Variants in RAB44 observed in about 807,000 individuals in gnomAD.
RAB44 encodes RAB44, member RAS oncogene family.
In RAB44, 67 loss-of-function variants were observed where a neutral mutation model predicts 93.3. The observed-to-expected ratio is 0.72, with a 90% CI of 0.59 to 0.88. RAB44 has a LOEUF of 0.88. Among genes scored for constraint, RAB44 ranks in the 40% least tolerant of loss-of-function variants. The probability of loss-of-function intolerance (pLI) is 0.00; values close to 1 mark genes in which losing one functional copy is unlikely to be tolerated. For synonymous variants in RAB44, 427 were observed against 520.3 expected, an observed-to-expected ratio of 0.82 and a Z score of 2.44; for missense variants, 1,064 against 1,261.7, an observed-to-expected ratio of 0.84 and a Z score of 2.37.
At position 36,722,112 on chromosome 6, in the gene RAB44, G is replaced by C. The variant is rs1224753936; in HGVS notation, c.1978G>C (p.Gly660Arg). The change falls in exon 9 of 14, where the codon GGT becomes CGT. Residue 660 changes from glycine (G) to arginine (R), a missense_variant. Gly to Arg is a moderately radical substitution (Grantham distance 125, BLOSUM62 -2). Coordinates refer to ENST00000612677, the MANE Select transcript of RAB44 (RefSeq NM_001257357.2). ...AGCTCATGGCCAGGTCCTTGGGCTG[G>C]GTGAGCTGTCTGCCTTCCCCCACCA... ...REAHGQVLGL[G>R]ELSAFPHQEL... 1 of 1,236,246 alleles carries C rather than the reference G, an allele frequency of 8.1e-7. No homozygotes were observed. The highest frequency in any genetic ancestry group is 1.0e-6 in the Non-Finnish European group (1 of 989,564). 76.6% of individuals were successfully genotyped at this position (1,236,246 alleles called of 1,614,324 possible).
intron 2 of RAB44, among the ~76,000 whole-genome samples, chr6:36,712,434 G>A (rs1012549996): frequency 6.6e-6 from 1 of 152,042 alleles, no homozygotes; most frequent in Non-Finnish European, 1.5e-5. Context: ...GTGCGATCTC[G>A]GCTCACTGCA....
At chr6:36,720,613 C>T (rs1407329358) in intron 8 of RAB44, 63 bp downstream of exon 8, 9 of 1,158,646 alleles carry the variant, frequency 7.8e-6, no homozygotes, top group Non-Finnish European at 9.8e-6. Context: ...CAGTGGGGAA[C>T]TCTGAGTTCT....
intron 4 of RAB44, among the ~76,000 whole-genome samples, chr6:36,716,240 C>T (rs566299636): frequency 2.9e-4 from 44 of 151,984 alleles, no homozygotes; most frequent in African/African-American, 1.0e-3. Context: ...GAGGCTGAGG[C>T]GGGTGGATCA....
Position 36,721,458 on chromosome 6 carries a change from G to A in RAB44, c.1324G>A (p.Ala442Thr), listed in dbSNP as rs796830000. 43 of 1,234,398 alleles carry A rather than the reference G, an allele frequency of 3.5e-5. No homozygotes were observed. The highest frequency in any genetic ancestry group is 3.5e-4 in the East Asian group (11 of 31,698). The allele number at this position is 1,234,398 out of a possible 1,614,324, so 76.5% of individuals were successfully genotyped here. A position where few individuals can be genotyped will look rare whatever the true frequency, so the allele number is the denominator to read the frequency against. ...PRTPPGVTFS[A>T]KDNKGVDPHE... is the part of the protein sequence containing the mutation. ...GACCCCACCTGGGGTGACTTTCAGC[G>A]CCAAGGACAATAAAGGAGTGGACCC... The change falls in exon 9 of 14, where the codon GCC becomes ACC. Residue 442 changes from alanine to threonine, a missense_variant. By Grantham distance (58) the Ala-to-Thr change is moderately conservative (BLOSUM62 0). Transcript: ENST00000612677.
In RAB44 at chr6:36,732,204, GA is replaced by G. The variant is rs56845420; in HGVS notation, c.*115del. The G allele has an allele frequency of 4.7e-6, 3 of 634,220 alleles. No individual in the cohort carries two copies. The highest frequency in any genetic ancestry group is 3.5e-5 in the East Asian group (1 of 28,820). The allele number at this position is 634,220 out of a possible 1,614,324, so 39.3% of individuals were successfully genotyped here. On this transcript the variant is annotated 3_prime_UTR_variant, in exon 14 of 14. Coordinates refer to ENST00000612677, the MANE Select transcript of RAB44 (RefSeq NM_001257357.2). ...ACAGAGGACCAGCTTGGAGGTTCAGGAAAACCCTTCTCAACTCAGGACTCGG... is the reference window on the plus strand; with the variant it reads ...ACAGAGGACCAGCTTGGAGGTTCAGGAAACCCTTCTCAACTCAGGACTCGG...
chr6:36,712,433 C>T (rs879767996), intron 2 of RAB44, among the ~76,000 whole-genome samples: 1 of 152,272 alleles, frequency 6.6e-6, no homozygotes, highest in Middle Eastern at 3.4e-3. Flanking sequence ...GGTGCGATCT[C>T]GGCTCACTGC....
chr6:36,722,747 G>T lies in RAB44; in HGVS notation c.2599+14G>T, dbSNP rs1763127923. ...CAGCTACCGTGGGTAAGGGCATTGG[G>T]GAGGGCGGCAGGGAGCAAGGAGAGA... On this transcript the variant is annotated intron_variant, in intron 9 of 13. Transcript: ENST00000612677. 3.2e-6 allele frequency: 5 copies of T among 1,550,516 alleles called. No homozygotes were observed. Among genetic ancestry groups the T allele is most frequent in the Non-Finnish European group, 4.4e-6 (5 of 1,146,964 alleles).
chr6:36,728,824 G>A (rs1366976479), intron 12 of RAB44, 23 bp downstream of exon 12: 31 of 1,522,246 alleles, frequency 2.0e-5, no homozygotes, highest in African/African-American at 5.5e-5. Flanking sequence ...GCATCAGCCC[G>A]TCTCTGTGCG....
At chr6:36,711,123 T>C (rs1762776419) in intron 2 of RAB44, among the ~76,000 whole-genome samples, 3 of 152,196 alleles carry the variant, frequency 2.0e-5, no homozygotes, top group African/African-American at 7.2e-5. Flanking sequence ...TACTTCAATA[T>C]TAATTCAAAA....
At chr6:36,698,659 G>A (rs1470258180) in intron 1 of RAB44, among the ~76,000 whole-genome samples, 1 of 152,148 alleles carries the variant, frequency 6.6e-6, no homozygotes, top group Non-Finnish European at 1.5e-5. Context: ...AGGACGTGAG[G>A]CATGAGGATG....
rs1053755779 is a variant in RAB44, at chr6:36,732,977, A to G, written c.*884A>G. On this transcript the variant is annotated 3_prime_UTR_variant, in exon 14 of 14. Transcript: ENST00000612677. ...AGCCGAGACTCAGAATCATTCACACACTTCTATTTGGAGCTTTTGTGGAAG... is the reference window on the plus strand; with the variant it reads ...AGCCGAGACTCAGAATCATTCACACGCTTCTATTTGGAGCTTTTGTGGAAG... 3.3e-5 allele frequency: 5 copies of G among 152,050 alleles called. No individual in the cohort carries two copies. The highest frequency in any genetic ancestry group is 2.1e-4 in the South Asian group (1 of 4,826). 9.4% of individuals were successfully genotyped at this position (152,050 alleles called of 1,614,324 possible).
In RAB44 at chr6:36,721,226, TG is replaced by T. The variant is rs1763068084; in HGVS notation, c.1096del (p.Asp366ThrfsTer9). The T allele has an allele frequency of 8.2e-7, 1 of 1,219,022 alleles. No homozygotes were observed. The highest frequency in any genetic ancestry group is 4.4e-5 in the Admixed American group (1 of 22,622). 75.5% of individuals were successfully genotyped at this position (1,219,022 alleles called of 1,614,324 possible). ...AGGAGGCCCCCCTGCCTGGGCTATT[TG>T]GGGACAACGATGACTGGGACCAGCT... ...PEEAPLPGLF[G>X]DNDDWDQLLS... is the part of the protein sequence containing the mutation. On this transcript the variant is annotated frameshift_variant, in exon 9 of 14. Coordinates refer to ENST00000612677, the MANE Select transcript of RAB44 (RefSeq NM_001257357.2). LOFTEE classifies it high-confidence loss of function.
chr6:36,725,687 T>C, intron 9 of RAB44, 175 bp from the exon 10 acceptor site: 1 of 591,984 alleles, frequency 1.7e-6, no homozygotes, highest in South Asian at 2.0e-5. Context: ...GGAAGGCTTC[T>C]TGGAGGAAGT....
chr6:36,717,438 CG>C lies in RAB44; in HGVS notation c.641+22del. 3 of 1,231,988 alleles carry C rather than the reference CG, an allele frequency of 2.4e-6. No homozygotes were observed. Among genetic ancestry groups the C allele is most frequent in the Non-Finnish European group, 3.0e-6 (3 of 988,018 alleles). The allele number at this position is 1,231,988 out of a possible 1,614,324, so 76.3% of individuals were successfully genotyped here. ...TGAGGAAGTGAGTGGGGGGCCTGGC[CG>C]GGTGTCTGATACGAAGTAGGTGCTC... On this transcript the variant is annotated intron_variant, in intron 5 of 13. Transcript: ENST00000612677. The surrounding 1 kb of genome is among the most constrained non-coding windows in gnomAD (Gnocchi z 4.1).
chr6:36,709,801 C>A (rs1243079569), intron 2 of RAB44, among the ~76,000 whole-genome samples: 1 of 152,196 alleles, frequency 6.6e-6, no homozygotes, highest in African/African-American at 2.4e-5. Flanking sequence ...AAGTGATCCA[C>A]CTGCCTAGGC....
intron 7 of RAB44, among the ~76,000 whole-genome samples, chr6:36,719,661 AAAGT>A (rs1288854978): frequency 6.6e-6 from 1 of 152,214 alleles, no homozygotes; most frequent in East Asian, 1.9e-4. Context: ...AATCGTAGTC[AAAGT>A]AAGTTGAGAA....
intron 2 of RAB44, among the ~76,000 whole-genome samples, chr6:36,707,552 G>A (rs1012046938): frequency 4.0e-5 from 6 of 149,872 alleles, no homozygotes; most frequent in African/African-American, 9.7e-5. Context: ...TTGTTCTGCC[G>A]GATCTTGGGT....
chr6:36,724,138 AT>A (rs1397723865), intron 9 of RAB44, among the ~76,000 whole-genome samples: 7 of 136,994 alleles, frequency 5.1e-5, no homozygotes, highest in East Asian at 4.2e-4. Flanking sequence ...CCATTATTTT[AT>A]TTTATTTATT....
Position 36,727,606 on chromosome 6 carries a change from G to C in RAB44, c.2711G>C (p.Arg904Pro). The C allele has an allele frequency of 6.4e-7, 1 of 1,550,534 alleles. No homozygotes were observed. Among genetic ancestry groups the C allele is most frequent in the Non-Finnish European group, 8.7e-7 (1 of 1,146,964 alleles). The change falls in exon 11 of 14, where the codon CGC becomes CCC. Residue 904 changes from arginine to proline, a missense_variant. Physicochemically the swap from Arg to Pro is moderately radical, Grantham distance 103. Transcript: ENST00000612677. ...CACAGTATGACGCGACAGCTGCTCC[G>C]CAAGGCTGACGGGGTGGTGCTCATG... ...RYHSMTRQLL[R>P]KADGVVLMYD...
Sources: gnomAD v4.1 joint callset for allele counts (sites outside exome capture counted in the v4.1 genomes callset) on GRCh38, gnomAD v4.1.1 for gene constraint, Gnocchi (gnomAD v3.1) non-coding constraint, MANE v1.5 for transcripts, NCBI Gene and HGNC (gene_info 2026-07-23, HGNC 2026-07-21) for gene names.